The following SCOC variants were observed in gnomAD, a reference collection of about 807,000 sequenced individuals.
The protein encoded by SCOC is short coiled-coil protein.
A neutral mutation model predicts 9.9 loss-of-function variants in SCOC; 7 were observed. The observed-to-expected ratio is 0.71, with a 90% CI of 0.40 to 1.33. The LOEUF (loss-of-function observed/expected upper bound fraction) is 1.33. SCOC is among the 40% of genes most tolerant of loss of function. The pLI, the probability that SCOC is intolerant of heterozygous loss-of-function variation, is 0.01. For missense variants in SCOC, 66 were observed against 89.7 expected, an observed-to-expected ratio of 0.74 and a Z score of 1.07; for synonymous variants, 19 against 28.2, an observed-to-expected ratio of 0.67 and a Z score of 1.03.
chr4:140,362,240 A>G, intron 2 of SCOC, among the ~76,000 whole-genome samples: 1 of 99,574 alleles, frequency 1.0e-5, no homozygotes, highest in African/African-American at 3.5e-5. Flanking sequence ...ATTGTTTTAA[A>G]ACAAACTAAA....
intron 1 of SCOC, among the ~76,000 whole-genome samples, chr4:140,278,985 T>C (rs1051116653): frequency 6.6e-6 from 1 of 151,990 alleles, no homozygotes; most frequent in Non-Finnish European, 1.5e-5. Context: ...AGATTCTTAA[T>C]ATGCTCCTCA....
chr4:140,311,436 T>G (rs1732153290), intron 1 of SCOC, among the ~76,000 whole-genome samples: 1 of 152,160 alleles, frequency 6.6e-6, no homozygotes, highest in Non-Finnish European at 1.5e-5. Context: ...GCAATTAGCA[T>G]TATCCAGTCA....
intron 2 of SCOC, among the ~76,000 whole-genome samples, chr4:140,365,285 T>C (rs1433237971): frequency 6.6e-6 from 1 of 151,794 alleles, no homozygotes; most frequent in African/African-American, 2.4e-5. Flanking sequence ...ATGGTGGAGA[T>C]TGGTGCTTTC....
At chr4:140,339,563 C>A (rs1726418664), upstream of SCOC, among the ~76,000 whole-genome samples, 1 of 152,060 alleles carries the variant, frequency 6.6e-6, no homozygotes, top group South Asian at 2.1e-4. Flanking sequence ...TGACAAAGGG[C>A]TAATATCCAG....
intron 1 of SCOC, among the ~76,000 whole-genome samples, chr4:140,323,130 T>C (rs1732548653): frequency 1.3e-5 from 2 of 152,168 alleles, no homozygotes; most frequent in South Asian, 4.1e-4. Flanking sequence ...TGGGGCTTGG[T>C]GGGAGGTGGT....
chr4:140,358,130 T>C (rs1445737555), intron 2 of SCOC, among the ~76,000 whole-genome samples: 1 of 152,208 alleles, frequency 6.6e-6, no homozygotes, highest in East Asian at 1.9e-4. Flanking sequence ...CCCTATTGTA[T>C]TGATGGCTTA....
chr4:140,322,613 C>T (rs187074339), intron 1 of SCOC, among the ~76,000 whole-genome samples: 4 of 152,188 alleles, frequency 2.6e-5, no homozygotes, highest in East Asian at 1.9e-4. Context: ...GAAGAAATCT[C>T]GAAGCTGAGA....
At chr4:140,259,558 GA>G (rs1342453711) in intron 1 of SCOC, among the ~76,000 whole-genome samples, 1 of 151,920 alleles carries the variant, frequency 6.6e-6, no homozygotes, top group African/African-American at 2.4e-5. Flanking sequence ...TCTATAAAAA[GA>G]AAAAAAAGTT....
chr4:140,368,724 G>A (rs1293076350), upstream of SCOC, among the ~76,000 whole-genome samples: 1 of 152,178 alleles, frequency 6.6e-6, no homozygotes, highest in Non-Finnish European at 1.5e-5. Context: ...AAAGGCGCAG[G>A]TAGGGGAATG....
chr4:140,344,872 A>AGCTT, intron 2 of SCOC, among the ~76,000 whole-genome samples: 1 of 152,126 alleles, frequency 6.6e-6, no homozygotes, highest in Non-Finnish European at 1.5e-5. Context: ...TCGTAGAGAA[A>AGCTT]GCTTGCTTGC....
intron 1 of SCOC, among the ~76,000 whole-genome samples, chr4:140,282,318 G>A (rs915586388): frequency 7.2e-5 from 11 of 152,198 alleles, no homozygotes; most frequent in African/African-American, 2.6e-4. Context: ...AGGTCTCCAG[G>A]GGAAGATTCC....
intron 1 of SCOC, among the ~76,000 whole-genome samples, chr4:140,377,250 A>G (rs79471984): frequency 0.015 from 2,275 of 152,322 alleles, 43 homozygotes; most frequent in African/African-American, 0.053. Context: ...CTTCCTCTTC[A>G]ATTATAGTTA....
rs936248166 is a variant in SCOC, at chr4:140,373,687, T to G, written c.-81T>G. Reference sequence around the variant, plus strand: ...GTCCCGGCCTGAGGTGTCGGCCGGATCCCTCCTTCTCCCGGCGCCTCAAGC... The same window carrying G: ...GTCCCGGCCTGAGGTGTCGGCCGGAGCCCTCCTTCTCCCGGCGCCTCAAGC... On this transcript the variant is annotated 5_prime_UTR_variant, in exon 1 of 4. Transcript: ENST00000608372. 3.9e-6 allele frequency: 6 copies of G among 1,549,756 alleles called. No homozygotes were observed. In the African/African-American group the frequency reaches 5.5e-5, roughly 14 times the overall value.
intron 2 of SCOC, among the ~76,000 whole-genome samples, chr4:140,346,786 A>G (rs11931851): frequency 0.96 from 145,736 of 152,218 alleles, 69,824 homozygotes; most frequent in East Asian, 0.99. Context: ...TGTCCATGCC[A>G]TCTAACCACA....
At chr4:140,310,053 C>G (rs1288536557) in intron 1 of SCOC, among the ~76,000 whole-genome samples, 1 of 152,150 alleles carries the variant, frequency 6.6e-6, no homozygotes, top group Non-Finnish European at 1.5e-5. Context: ...GACCAGCACA[C>G]CAAAGGCATC....
At chr4:140,371,683 G>A (rs1327007237), upstream of SCOC, among the ~76,000 whole-genome samples, 2 of 151,822 alleles carry the variant, frequency 1.3e-5, no homozygotes, top group Non-Finnish European at 2.9e-5. Context: ...CTATTCTTGT[G>A]TCAATACCAC....
At chr4:140,362,300 T>TTCTTCTTC (rs562255556) in intron 2 of SCOC, among the ~76,000 whole-genome samples, 11 of 36,592 alleles carry the variant, frequency 3.0e-4, no homozygotes, top group African/African-American at 1.2e-3. Flanking sequence ...CTTCTTCTTC[T>TTCTTCTTC]TTTTTTTTTT....
At chr4:140,331,425 C>T (rs1732813071) in intron 1 of SCOC, among the ~76,000 whole-genome samples, 1 of 152,078 alleles carries the variant, frequency 6.6e-6, no homozygotes, top group Admixed American at 6.6e-5. Context: ...ATTTTGTAGC[C>T]ACTATCTATC....
intron 2 of SCOC, among the ~76,000 whole-genome samples, chr4:140,356,957 T>A (rs995811167): frequency 1.3e-5 from 2 of 152,148 alleles, no homozygotes; most frequent in Non-Finnish European, 2.9e-5. Context: ...TACCTTAAAA[T>A]CTTTTATTTA....
Sources: allele counts gnomAD v4.1 joint callset (sites outside exome capture counted in the v4.1 genomes callset), GRCh38; gene constraint gnomAD v4.1.1; transcripts MANE v1.5; gene names NCBI Gene and HGNC (gene_info 2026-07-23, HGNC 2026-07-21).